NFATC2: variants seen among roughly 807,000 people sequenced by gnomAD.
NFATC2 encodes the protein nuclear factor of activated T-cells, cytoplasmic 2.
NFATC2 carries 22 observed loss-of-function variants against 87.3 expected under a neutral mutation model. That is an observed-to-expected ratio of 0.25 (90% CI 0.18 to 0.36). The LOEUF is 0.36. NFATC2 is among the 10% of genes least tolerant of loss of function. The probability of loss-of-function intolerance (pLI) is 1.00; values close to 1 mark genes in which losing one functional copy is unlikely to be tolerated. For missense variants in NFATC2, 1,149 were observed against 1,259.1 expected (o/e 0.91, Z 1.32); for synonymous variants, 565 against 542.2 (o/e 1.04, Z -0.58).
At chr20:51,425,623 C>T (rs992969396) in intron 9 of NFATC2, among the ~76,000 whole-genome samples, 1 of 152,240 alleles carries the variant, frequency 6.6e-6, no homozygotes, top group Non-Finnish European at 1.5e-5. Context: ...ACACAGGAGC[C>T]GCTTTGTCCC....
intron 3 of NFATC2, among the ~76,000 whole-genome samples, chr20:51,477,563 ATATATATATATAT>A (rs1568667197): frequency 8.8e-5 from 11 of 124,960 alleles, no homozygotes; most frequent in African/African-American, 2.9e-4. Flanking sequence ...ATATATATAT[ATATATATATATAT>A]ATATAAAATA....
chr20:51,541,867 G>A (rs2076822492), intron 1 of NFATC2, among the ~76,000 whole-genome samples: 1 of 152,130 alleles, frequency 6.6e-6, no homozygotes, highest in Non-Finnish European at 1.5e-5. Context: ...TGGGAGCTGC[G>A]TGGCCTCACT....
chr20:51,551,841 C>T (rs546019219), intron 1 of NFATC2, among the ~76,000 whole-genome samples: 86 of 151,490 alleles, frequency 5.7e-4, no homozygotes, highest in Non-Finnish European at 1.2e-3. Flanking sequence ...TCCTGGCTAA[C>T]ATGGTGAAAC....
chr20:51,421,563 G>A (rs1395009571), intron 9 of NFATC2, among the ~76,000 whole-genome samples: 1 of 152,224 alleles, frequency 6.6e-6, no homozygotes, highest in African/African-American at 2.4e-5. Context: ...GAATGGCGGG[G>A]GCTGTGGACA....
intron 9 of NFATC2, among the ~76,000 whole-genome samples, chr20:51,431,065 A>G (rs1163387551): frequency 2.0e-5 from 3 of 152,198 alleles, no homozygotes; most frequent in Non-Finnish European, 4.4e-5. Flanking sequence ...TAAACGCTTG[A>G]GGGGATGGAT....
In NFATC2 at chr20:51,556,805, C is replaced by G. The variant is rs569015158; in HGVS notation, c.70+5755G>C. On this transcript the variant is annotated intron_variant, in intron 1 of 10. Transcript: ENST00000414705. ...CCCGGAGTGTCAGGGGAAAGAAACA[C>G]CCAGCTGGGCTTCAGCCACCCAGAG... 3.9e-5 allele frequency among the ~76,000 whole-genome samples: 6 copies of G among 152,228 alleles called. No homozygotes were observed. In the South Asian group the frequency reaches 1.2e-3, roughly 32 times the overall value.
intron 1 of NFATC2, among the ~76,000 whole-genome samples, chr20:51,527,031 T>G (rs2146739420): frequency 6.6e-6 from 1 of 152,252 alleles, no homozygotes; most frequent in South Asian, 2.1e-4. Context: ...CCCAAGTAGC[T>G]GGGACTACCA....
At position 51,387,858 on chromosome 20, in the gene NFATC2, C is replaced by CGT. The variant is rs774051014; in HGVS notation, c.*3637_*3638insAC. 2.4e-5 allele frequency: 3 copies of CGT among 124,792 alleles called. No individual in the cohort carries two copies. The highest frequency in any genetic ancestry group is 1.7e-5 in the Non-Finnish European group (1 of 60,324). The allele number at this position is 124,792 out of a possible 1,614,324, so 7.7% of individuals were successfully genotyped here. A position where few individuals can be genotyped will look rare whatever the true frequency, so the allele number is the denominator to read the frequency against. On this transcript the variant is annotated 3_prime_UTR_variant, in exon 11 of 11. Coordinates refer to ENST00000371564, the MANE Select transcript of NFATC2 (RefSeq NM_012340.5). The stretch of plus-strand genomic sequence containing the variant: ...AGCAATAGAAAGCACTTGGAAAGGT[C>CGT]TTTTTTTTTTTTTTTTTTTGACATG...
chr20:51,502,360 C>T (rs1428666382), intron 3 of NFATC2, among the ~76,000 whole-genome samples: 4 of 151,750 alleles, frequency 2.6e-5, no homozygotes, highest in Non-Finnish European at 1.5e-5. Context: ...GGATCTCACT[C>T]TGTTGCCCAG....
intron 9 of NFATC2, among the ~76,000 whole-genome samples, chr20:51,415,374 A>ACTTG (rs1979903074): frequency 6.6e-6 from 1 of 152,132 alleles, no homozygotes; most frequent in African/African-American, 2.4e-5. Flanking sequence ...TCCTGCTACT[A>ACTTG]TAGACAAGGC....
At chr20:51,526,011 C>G (rs566893267) in intron 1 of NFATC2, among the ~76,000 whole-genome samples, 1 of 150,316 alleles carries the variant, frequency 6.7e-6, no homozygotes, top group Non-Finnish European at 1.5e-5. Flanking sequence ...CTGCCTCAGA[C>G]GCCTTGGGTT....
At chr20:51,428,411 C>T (rs1186164129) in intron 9 of NFATC2, among the ~76,000 whole-genome samples, 1 of 152,194 alleles carries the variant, frequency 6.6e-6, no homozygotes, top group African/African-American at 2.4e-5. Context: ...ACTTATTTTG[C>T]TTTTCCAAAG....
chr20:51,523,995 G>T lies in NFATC2; in HGVS notation c.246C>A (p.Pro82=), dbSNP rs777716877. The T allele has an allele frequency of 6.4e-7, 1 of 1,569,266 alleles. No homozygotes were observed. Among genetic ancestry groups the T allele is most frequent in the African/African-American group, 1.4e-5 (1 of 72,168 alleles). ...YSPLASLSGE[P]PGRFGEPDRV... Reference sequence around the variant, plus strand: ...TATCCGGCTCTCCGAATCGGCCGGGGGGCTCGCCAGAGAGACTAGCAAGGG... The same window carrying T: ...TATCCGGCTCTCCGAATCGGCCGGGTGGCTCGCCAGAGAGACTAGCAAGGG... The change falls in exon 2 of 11, where the codon CCC becomes CCA. Residue 82 remains proline (P), a synonymous_variant. Transcript: ENST00000371564. The surrounding 1 kb of genome is among the most constrained non-coding windows in gnomAD (Gnocchi z 6.9).
At chr20:51,458,421 C>T (rs922407744) in intron 5 of NFATC2, among the ~76,000 whole-genome samples, 1 of 151,956 alleles carries the variant, frequency 6.6e-6, no homozygotes, top group African/African-American at 2.4e-5. Context: ...CAAAATCATC[C>T]CTGGTTGAGA....
chr20:51,465,589 T>C (rs2146477601), intron 5 of NFATC2, among the ~76,000 whole-genome samples: 1 of 152,242 alleles, frequency 6.6e-6, no homozygotes, highest in African/African-American at 2.4e-5. Context: ...TCAGGGCCTT[T>C]GTACTGGCTA....
intron 10 of NFATC2, among the ~76,000 whole-genome samples, chr20:51,396,453 G>GGAACTGAATCC (rs1446269006): frequency 3.9e-5 from 6 of 152,116 alleles, no homozygotes; most frequent in Admixed American, 1.3e-4. Context: ...TGCTGACTTT[G>GGAACTGAATCC]GAACTGAATC....
chr20:51,407,437 A>G (rs1003416671), intron 9 of NFATC2, among the ~76,000 whole-genome samples: 1 of 152,254 alleles, frequency 6.6e-6, no homozygotes, highest in African/African-American at 2.4e-5. Context: ...TGAATGATTT[A>G]GCGAAAGAAT....
intron 5 of NFATC2, among the ~76,000 whole-genome samples, chr20:51,464,792 T>C (rs1047419410): frequency 6.6e-6 from 1 of 152,228 alleles, no homozygotes; most frequent in African/African-American, 2.4e-5. Context: ...TATCACTCAA[T>C]ATGTAGTTAA....
chr20:51,562,679 T>C (rs1322073554), upstream of NFATC2: 6 of 1,512,870 alleles, frequency 4.0e-6, no homozygotes, highest in South Asian at 4.8e-5. The surrounding 1 kb of genome is among the most constrained non-coding windows in gnomAD (Gnocchi z 5.8). Flanking sequence ...GATCTGTTTG[T>C]ATCGACCAGC....
Sources: gnomAD v4.1 joint callset for allele counts (sites outside exome capture counted in the v4.1 genomes callset) on GRCh38, gnomAD v4.1.1 for gene constraint, Gnocchi (gnomAD v3.1) non-coding constraint, MANE v1.5 for transcripts, NCBI Gene and HGNC (gene_info 2026-07-23, HGNC 2026-07-21) for gene names.